Variants in LSAMP observed in about 807,000 individuals in gnomAD.
LSAMP encodes limbic system associated membrane protein.
In LSAMP, 7 loss-of-function variants were observed where a neutral mutation model predicts 38.6. The observed-to-expected ratio is 0.18, with a 90% CI of 0.10 to 0.34. The LOEUF (loss-of-function observed/expected upper bound fraction) is 0.34. Ranked by LOEUF, LSAMP falls within the 10% of genes least tolerant of loss-of-function variation. The probability of loss-of-function intolerance (pLI) is 1.00; values close to 1 mark genes in which losing one functional copy is unlikely to be tolerated. For missense variants in LSAMP, 313 were observed against 420.0 expected (o/e 0.75, Z 2.23); for synonymous variants, 154 against 166.8 (o/e 0.92, Z 0.59).
At chr3:116,416,040 TA>T (rs2049045603) in intron 1 of LSAMP, among the ~76,000 whole-genome samples, 1 of 152,198 alleles carries the variant, frequency 6.6e-6, no homozygotes, top group Admixed American at 6.5e-5. Flanking sequence ...AAATAATACA[TA>T]AATTCAAAGA....
In LSAMP at chr3:116,413,281, A is replaced by C. The variant is rs563852218; in HGVS notation, c.155+31596T>G. Reference sequence around the variant, plus strand: ...TATATCATATTTCTGTATTTCATTAAAATAAATCAGGTTATTCAAAAGAAT... The same window carrying C: ...TATATCATATTTCTGTATTTCATTACAATAAATCAGGTTATTCAAAAGAAT... On this transcript the variant is annotated intron_variant, in intron 1 of 6. Coordinates refer to ENST00000490035, the MANE Select transcript of LSAMP (RefSeq NM_002338.5). 2.6e-5 allele frequency among the ~76,000 whole-genome samples: 4 copies of C among 152,020 alleles called. No individual in the cohort carries two copies. In the East Asian group the frequency reaches 7.7e-4, roughly 29 times the overall value.
At chr3:116,257,588 T>C (rs2046768279) in intron 1 of LSAMP, among the ~76,000 whole-genome samples, 1 of 152,170 alleles carries the variant, frequency 6.6e-6, no homozygotes, top group Non-Finnish European at 1.5e-5. Flanking sequence ...TTTCTGAATA[T>C]TTGCTGCTAA....
chr3:115,946,563 A>T (rs1412893563), intron 3 of LSAMP, among the ~76,000 whole-genome samples: 1 of 152,194 alleles, frequency 6.6e-6, no homozygotes, highest in African/African-American at 2.4e-5. Context: ...TCCTTGAAAA[A>T]CAATTTACCA....
intron 1 of LSAMP, among the ~76,000 whole-genome samples, chr3:116,278,097 T>C (rs967866197): frequency 3.3e-5 from 5 of 152,156 alleles, no homozygotes; most frequent in Admixed American, 2.0e-4. Flanking sequence ...TTACTACAGG[T>C]AAAATCCTTT....
chr3:116,245,168 G>C (rs920756926), intron 1 of LSAMP, among the ~76,000 whole-genome samples: 1 of 152,122 alleles, frequency 6.6e-6, no homozygotes, highest in African/African-American at 2.4e-5. Flanking sequence ...AGGAGACAAG[G>C]ACTCAGACCT....
At chr3:116,099,185 G>A (rs1368933383) in intron 1 of LSAMP, among the ~76,000 whole-genome samples, 1 of 152,190 alleles carries the variant, frequency 6.6e-6, no homozygotes, top group African/African-American at 2.4e-5. Context: ...GTCACACTCT[G>A]AATTCTACGA....
intron 3 of LSAMP, among the ~76,000 whole-genome samples, chr3:115,945,952 T>C (rs754591644): frequency 9.9e-5 from 15 of 152,144 alleles, no homozygotes; most frequent in Admixed American, 3.9e-4. Context: ...CAATAAGAGT[T>C]TGAAAGAAAG....
intron 3 of LSAMP, among the ~76,000 whole-genome samples, chr3:115,956,819 C>A (rs1437578114): frequency 6.6e-6 from 1 of 152,082 alleles, no homozygotes; most frequent in Non-Finnish European, 1.5e-5. Context: ...TGTATATAAC[C>A]TAGCATGTTA....
At chr3:115,821,812 A>G (rs1367987702) in intron 6 of LSAMP, among the ~76,000 whole-genome samples, 1 of 152,236 alleles carries the variant, frequency 6.6e-6, no homozygotes, top group African/African-American at 2.4e-5. Flanking sequence ...GGAGGAGATC[A>G]TACCTGCTGC....
At chr3:115,919,541 T>C (rs1937334584) in intron 3 of LSAMP, among the ~76,000 whole-genome samples, 1 of 152,146 alleles carries the variant, frequency 6.6e-6, no homozygotes, top group African/African-American at 2.4e-5. Context: ...AATGGGGGTC[T>C]GGGGTGTGAA....
intron 1 of LSAMP, among the ~76,000 whole-genome samples, chr3:116,327,559 G>T (rs1312599520): frequency 6.6e-6 from 1 of 151,826 alleles, no homozygotes; most frequent in African/African-American, 2.4e-5. Context: ...TAATCCGTTT[G>T]GTTCTTCACT....
At chr3:116,379,025 ACAC>A (rs2048525235) in intron 1 of LSAMP, among the ~76,000 whole-genome samples, 1 of 149,332 alleles carries the variant, frequency 6.7e-6, no homozygotes, top group Non-Finnish European at 1.5e-5. Context: ...ACACACACAC[ACAC>A]ACACACGAGT....
chr3:116,094,352 G>T (rs187113898), intron 1 of LSAMP, among the ~76,000 whole-genome samples: 103 of 152,272 alleles, frequency 6.8e-4, no homozygotes, highest in African/African-American at 2.5e-3. Context: ...TTGGACCCCT[G>T]TCTGCTATCT....
At chr3:116,259,326 A>G (rs1265290945) in intron 1 of LSAMP, among the ~76,000 whole-genome samples, 1 of 152,180 alleles carries the variant, frequency 6.6e-6, no homozygotes, top group Non-Finnish European at 1.5e-5. Context: ...AAAAACACTC[A>G]TATAAAATAT....
intron 1 of LSAMP, among the ~76,000 whole-genome samples, chr3:116,253,181 G>A (rs4831089): frequency 0.32 from 48,266 of 151,700 alleles, 9,563 homozygotes; most frequent in East Asian, 0.48. Flanking sequence ...AGAAATGGAC[G>A]CATTTTGCAA....
intron 1 of LSAMP, among the ~76,000 whole-genome samples, chr3:116,208,019 C>G (rs1271783976): frequency 1.5e-4 from 22 of 149,650 alleles, no homozygotes; most frequent in Non-Finnish European, 1.8e-4. Flanking sequence ...TCCATTCTCC[C>G]CATCACTTTC....
chr3:115,866,248 A>G (rs1211406328), intron 3 of LSAMP, among the ~76,000 whole-genome samples: 1 of 152,114 alleles, frequency 6.6e-6, no homozygotes, highest in Admixed American at 6.5e-5. Flanking sequence ...AGTTCTAGAC[A>G]CTAGATTCAT....
chr3:115,842,932 G>T (rs1935041704), intron 4 of LSAMP, among the ~76,000 whole-genome samples: 1 of 152,162 alleles, frequency 6.6e-6, no homozygotes, highest in Admixed American at 6.5e-5. Context: ...ATGAAGCAAT[G>T]ATACCAAAGG....
At chr3:116,220,764 A>C (rs1009032995) in intron 1 of LSAMP, among the ~76,000 whole-genome samples, 4 of 152,184 alleles carry the variant, frequency 2.6e-5, no homozygotes, top group Non-Finnish European at 5.9e-5. Flanking sequence ...ATAGGAGAAC[A>C]ATGTTGACAT....
Sources: gnomAD v4.1 joint callset for allele counts (sites outside exome capture counted in the v4.1 genomes callset) on GRCh38, gnomAD v4.1.1 for gene constraint, MANE v1.5 for transcripts, NCBI Gene and HGNC (gene_info 2026-07-23, HGNC 2026-07-21) for gene names.